Variants in PABPC4 observed in about 807,000 individuals in gnomAD.
PABPC4 encodes the protein polyadenylate-binding protein 4.
Under a neutral mutation model 74.5 loss-of-function variants are expected in PABPC4, and 15 were observed. The ratio of observed to expected loss-of-function variants is 0.20; its 90% confidence interval spans 0.13 to 0.31. PABPC4 has a LOEUF of 0.31. Among genes scored for constraint, PABPC4 ranks in the 10% least tolerant of loss-of-function variants. The pLI is 1.00. For synonymous variants in PABPC4, 345 were observed against 303.0 expected, an observed-to-expected ratio of 1.14 and a Z score of -1.44; for missense variants, 610 against 853.5, an observed-to-expected ratio of 0.71 and a Z score of 3.55.
In PABPC4 at chr1:39,564,673, C is replaced by T. The variant is rs1260588963; in HGVS notation, c.1333+13G>A. Reference sequence around the variant, plus strand: ...ATATCCTGGGCTGTCAATTACTGTTCCCCACCACCTACCTTGAGGTCTCCC... The same window carrying T: ...ATATCCTGGGCTGTCAATTACTGTTTCCCACCACCTACCTTGAGGTCTCCC... On this transcript the variant is annotated intron_variant, in intron 9 of 15. Transcript: ENST00000372858. 2 of 1,613,156 alleles carry T rather than the reference C, an allele frequency of 1.2e-6. No homozygotes were observed. Among genetic ancestry groups the T allele is most frequent in the Non-Finnish European group, 1.7e-6 (2 of 1,179,328 alleles).
intron 1 of PABPC4, 101 bp downstream of exon 1, chr1:39,575,658 G>A (rs1646014176): frequency 8.5e-6 from 8 of 946,528 alleles, no homozygotes; most frequent in Non-Finnish European, 1.5e-6. Context: ...GTGGCAACAT[G>A]CTGTCGTGAT....
At chr1:39,563,042 T>A (rs1191724293) in intron 12 of PABPC4, 3 of 153,960 alleles carry the variant, frequency 1.9e-5, no homozygotes, top group African/African-American at 7.2e-5. Context: ...AAGAGTAATC[T>A]CCTAAGCAGC....
At chr1:39,569,520 A>G in intron 5 of PABPC4, 75 bp downstream of exon 5, 1 of 965,322 alleles carries the variant, frequency 1.0e-6, no homozygotes, top group Non-Finnish European at 1.7e-6. Flanking sequence ...AGCTCTAGGT[A>G]GGTGCTAGCA....
At chr1:39,561,864 G>A (rs1645774228) in intron 14 of PABPC4, 77 bp from the exon 15 acceptor site, 1 of 1,347,992 alleles carries the variant, frequency 7.4e-7, no homozygotes, top group South Asian at 1.2e-5. Context: ...CCTAGTGGTG[G>A]ACCAAAGCCA....
At chr1:39,567,594 T>A (rs549273679) in intron 7 of PABPC4, 157 bp downstream of exon 7, 1 of 701,156 alleles carries the variant, frequency 1.4e-6, no homozygotes, top group African/African-American at 1.7e-5. Context: ...TAATGAAATG[T>A]CATTCTCCAG....
intron 1 of PABPC4, chr1:39,573,226 T>A (rs1316184699): frequency 3.3e-5 from 5 of 151,588 alleles, no homozygotes. Context: ...TATTTTCAAT[T>A]TCTGAGAACA....
chr1:39,562,463 A>G, intron 12 of PABPC4, 47 bp from the exon 13 acceptor site: 1 of 1,370,236 alleles, frequency 7.3e-7, no homozygotes, highest in Non-Finnish European at 1.0e-6. Context: ...AAAGGACAAC[A>G]CCTGATGGTG....
intron 2 of PABPC4, among the ~76,000 whole-genome samples, chr1:39,571,891 A>C (rs1277025475): frequency 6.6e-6 from 1 of 152,182 alleles, no homozygotes; most frequent in Non-Finnish European, 1.5e-5. Flanking sequence ...AAACACAACA[A>C]CACATTTTAA....
At position 39,575,892 on chromosome 1, in the gene PABPC4, C is replaced by G; in HGVS notation, c.60G>C (p.Ser20=). The change falls in exon 1 of 16, where the codon TCG becomes TCC. Residue 20 remains serine (S), a synonymous_variant. Transcript: ENST00000372858. ...CGTACAGCATGGCCTCGGTGACGTC[C>G]GAATGCAGGTCGCCCACGTACAGGG... ...MASLYVGDLH[S]DVTEAMLYEK... is the part of the protein sequence containing the mutation. 6.2e-7 allele frequency: 1 copy of G among 1,611,460 alleles called. No homozygotes were observed. Among genetic ancestry groups the G allele is most frequent in the Non-Finnish European group, 8.5e-7 (1 of 1,179,152 alleles).
At chr1:39,561,301 T>C (rs982281569) in intron 15 of PABPC4, 179 bp from the exon 16 acceptor site, 24 of 344,370 alleles carry the variant, frequency 7.0e-5, no homozygotes, top group African/African-American at 5.1e-4. Flanking sequence ...GCAGCATCTC[T>C]GGTCTTTACC....
chr1:39,562,165 T>C lies in PABPC4; in HGVS notation c.1801A>G (p.Asn601Asp), dbSNP rs987165431. ...LFPLIQTMHS[N>D]LAGKITGMLL... ...ATTCCCGTGATCTTCCCAGCCAGAT[T>C]TGAATGCATTGTTTGGATGAGTGGG... The change falls in exon 14 of 16, where the codon AAT (asparagine) becomes GAT (aspartate). Residue 601 changes from asparagine (N) to aspartate (D), a missense_variant. Asn to Asp is a conservative substitution (Grantham distance 23). Transcript: ENST00000372858. The C allele has an allele frequency of 1.9e-6, 3 of 1,614,194 alleles. No individual in the cohort carries two copies. The highest frequency in any genetic ancestry group is 1.7e-5 in the Admixed American group (1 of 60,028).
At position 39,565,337 on chromosome 1, in the gene PABPC4, G is replaced by C. The variant is rs575402812; in HGVS notation, c.1014C>G (p.Val338=). 1 of 1,613,698 alleles carries C rather than the reference G, an allele frequency of 6.2e-7. No individual in the cohort carries two copies. Among genetic ancestry groups the C allele is most frequent in the Admixed American group, 1.7e-5 (1 of 60,000 alleles). ...EDGRSKGFGF[V]CFSSPEEATK... is the part of the protein sequence containing the mutation. The stretch of plus-strand genomic sequence containing the variant: ...TTGCTTCTTCAGGAGATGAGAAGCA[G>C]ACGAAGCCAAACCCTTTGCTTCTTC... The change falls in exon 8 of 16, where the codon GTC becomes GTG. Residue 338 remains valine, a synonymous_variant. Coordinates refer to ENST00000372858, the MANE Select transcript of PABPC4 (RefSeq NM_001135653.2).
rs140421067 is a variant in PABPC4 at position 39,563,361 on chromosome 1, G to A, written c.1668+253C>T. The A allele has an allele frequency of 5.7e-5, 26 of 453,670 alleles. No homozygotes were observed. The East Asian group carries it at 5.9e-4, about 10-fold the overall frequency. 28.1% of individuals were successfully genotyped at this position (453,670 alleles called of 1,614,324 possible). ...AACAGCTGAATGAGCACATTATTTC[G>A]TACAAACAGAAGAGGAAGCACTGGC... On this transcript the variant is annotated intron_variant, in intron 12 of 15. Coordinates refer to ENST00000372858, the MANE Select transcript of PABPC4 (RefSeq NM_001135653.2).
chr1:39,564,669 T>G lies in PABPC4; in HGVS notation c.1333+17A>C, dbSNP rs1645809968. 2 of 1,613,314 alleles carry G rather than the reference T, an allele frequency of 1.2e-6. No homozygotes were observed. The highest frequency in any genetic ancestry group is 2.7e-5 in the African/African-American group (2 of 75,040). ...AGGTATATCCTGGGCTGTCAATTACTGTTCCCCACCACCTACCTTGAGGTC... is the reference window on the plus strand; with the variant it reads ...AGGTATATCCTGGGCTGTCAATTACGGTTCCCCACCACCTACCTTGAGGTC... On this transcript the variant is annotated intron_variant, in intron 9 of 15. Coordinates refer to ENST00000372858, the MANE Select transcript of PABPC4 (RefSeq NM_001135653.2).
In PABPC4 at chr1:39,564,719, T is replaced by G; in HGVS notation, c.1300A>C (p.Asn434His). The G allele has an allele frequency of 6.2e-7, 1 of 1,614,150 alleles. No homozygotes were observed. Among genetic ancestry groups the G allele is most frequent in the Non-Finnish European group, 8.5e-7 (1 of 1,180,022 alleles). Residue 434 changes from asparagine (N) to histidine (H), a missense_variant, in exon 9 of 16, where the codon AAT (asparagine) becomes CAT (histidine). By Grantham distance (68) the Asn-to-His change is moderately conservative. This residue lies in a region of PABPC4 where 277 missense variants were observed against 301.8 expected (regional missense o/e 0.92). Coordinates refer to ENST00000372858, the MANE Select transcript of PABPC4 (RefSeq NM_001135653.2). The part of the protein sequence containing the change: ...TPNQLAQMRP[N>H]PRWQQGGRPQ... The stretch of plus-strand genomic sequence containing the variant: ...CTCCCACCTTGCTGCCAGCGTGGAT[T>G]AGGCCTCATCTGTGCTAACTGGTTA...
chr1:39,567,571 TG>T (rs1409609015), intron 7 of PABPC4, 179 bp downstream of exon 7: 8 of 697,884 alleles, frequency 1.1e-5, no homozygotes, highest in Non-Finnish European at 2.1e-5. Context: ...TGGGAAACAG[TG>T]TAATGTTAAC....
rs747740458 is a variant in PABPC4, at chr1:39,575,985, G to A, written c.-34C>T. 1.9e-4 allele frequency: 269 copies of A among 1,410,428 alleles called. 1 individual carries two copies. Among genetic ancestry groups the A allele is most frequent in the Admixed American group, 3.7e-4 (16 of 43,150 alleles). The allele number at this position is 1,410,428 out of a possible 1,614,324, so 87.4% of individuals were successfully genotyped here. ...CCCCCACCACCCCGAGCCCCGCCAG[G>A]AGGACTTCTTATCGGGCCCGCCGCA... On this transcript the variant is annotated 5_prime_UTR_variant, in exon 1 of 16. Coordinates refer to ENST00000372858, the MANE Select transcript of PABPC4 (RefSeq NM_001135653.2).
Position 39,562,054 on chromosome 1 carries a change from G to A in PABPC4, c.1893+19C>T. The A allele has an allele frequency of 6.2e-7, 1 of 1,609,406 alleles. No homozygotes were observed. The highest frequency in any genetic ancestry group is 1.7e-5 in the Admixed American group (1 of 59,306). ...CCCAAGCTGAGAACTGAAGCTGCAG[G>A]GTCTGAGCCCCAGCTCACCTTGGAG... On this transcript the variant is annotated intron_variant, in intron 14 of 15. Transcript: ENST00000372858.
chr1:39,576,788 G>A lies in PABPC4; in HGVS notation c.-837C>T, dbSNP rs1388268402. The A allele has an allele frequency of 1.3e-5, 2 of 149,802 alleles. No homozygotes were observed. The highest frequency in any genetic ancestry group is 2.4e-5 in the African/African-American group (1 of 41,166). The allele number at this position is 149,802 out of a possible 1,614,324, so 9.3% of individuals were successfully genotyped here. ...AGGCGGCAGCGACCCGGGGCGGAGA[G>A]AGGCGGCCGAGGGAGCCACCGCTCC... On this transcript the variant is annotated 5_prime_UTR_variant, in exon 1 of 16. Coordinates refer to ENST00000372858, the MANE Select transcript of PABPC4 (RefSeq NM_001135653.2).
Sources: allele counts gnomAD v4.1 joint callset (sites outside exome capture counted in the v4.1 genomes callset), GRCh38; gene constraint gnomAD v4.1.1; regional missense constraint gnomAD v4.1.1; transcripts MANE v1.5; gene names NCBI Gene and HGNC (gene_info 2026-07-23, HGNC 2026-07-21).